Variants in CDH7 observed in about 807,000 individuals in gnomAD.
CDH7 encodes the protein cadherin 7, also known as cadherin-7.
A neutral mutation model predicts 71.8 loss-of-function variants in CDH7; 25 were observed. The ratio of observed to expected loss-of-function variants is 0.35; its 90% CI spans 0.25 to 0.49. The LOEUF (loss-of-function observed/expected upper bound fraction) is 0.49. CDH7 is among the 20% of genes least tolerant of loss of function. The pLI is 0.99. For missense variants in CDH7, 862 were observed against 974.6 expected, an observed-to-expected ratio of 0.88 and a Z score of 1.54; for synonymous variants, 381 against 363.8, an observed-to-expected ratio of 1.05 and a Z score of -0.54.
At position 65,862,211 on chromosome 18, in the gene CDH7, A is replaced by C. The variant is rs540798987; in HGVS notation, c.1613-455A>C. Among the ~76,000 whole-genome samples, 200 of 152,022 alleles carry C rather than the reference A, an allele frequency of 1.3e-3. 1 individual carries two copies. Among genetic ancestry groups the C allele is most frequent in the African/African-American group, 4.5e-3 (188 of 41,354 alleles). On this transcript the variant is annotated intron_variant, in intron 10 of 11. Coordinates refer to ENST00000397968, the MANE Select transcript of CDH7 (RefSeq NM_004361.5). ...AAATAAAGCTAAAGTAGCTGATTTT[A>C]CCCTTTTTAAATATTGGTCTTGCAA...
chr18:65,869,556 T>TTA (rs1342874755), intron 11 of CDH7, among the ~76,000 whole-genome samples: 2 of 141,212 alleles, frequency 1.4e-5, no homozygotes, highest in African/African-American at 5.2e-5. Context: ...TTTTTTTTTT[T>TTA]TTTTTTTTTT....
chr18:65,880,650 T>A lies in CDH7; in HGVS notation c.2114T>A (p.Val705Asp), dbSNP rs1352727363. The change falls in exon 12 of 12, where the codon GTC becomes GAC. Residue 705 changes from valine (V) to aspartate (D), a missense_variant. By Grantham distance (152) the Val-to-Asp change is radical (BLOSUM62 -3). Coordinates refer to ENST00000397968, the MANE Select transcript of CDH7 (RefSeq NM_004361.5). ...RPAFKSIPDN[V>D]IFREFIWERL... ...GCTTTTAAAAGCATCCCAGATAATG[T>A]CATCTTTAGGGAATTTATTTGGGAA... 1 of 1,614,008 alleles carries A rather than the reference T, an allele frequency of 6.2e-7. No homozygotes were observed. Among genetic ancestry groups the A allele is most frequent in the Admixed American group, 1.7e-5 (1 of 59,998 alleles).
rs1380228002 is a variant in CDH7 at position 65,890,252 on chromosome 18, CTA to C, written c.*9360_*9361del. ...AAGCTTCAATTCTAGCAAAAATAAA[CTA>C]TGTGCACTCATCAAAATGTGTGGCA... On this transcript the variant is annotated 3_prime_UTR_variant, in exon 12 of 12. Transcript: ENST00000397968. 1 of 152,158 alleles carries C rather than the reference CTA, an allele frequency of 6.6e-6. No individual in the cohort carries two copies. The highest frequency in any genetic ancestry group is 2.4e-5 in the African/African-American group (1 of 41,430). The allele number at this position is 152,158 out of a possible 1,614,324, so 9.4% of individuals were successfully genotyped here. A position where few individuals can be genotyped will look rare whatever the true frequency, so the allele number is the denominator to read the frequency against.
intron 7 of CDH7, among the ~76,000 whole-genome samples, chr18:65,853,019 G>T (rs1363079407): frequency 1.3e-5 from 2 of 152,106 alleles, no homozygotes; most frequent in Non-Finnish European, 2.9e-5. Flanking sequence ...CTAGTTTTAG[G>T]CTGGATATTG....
At chr18:65,797,187 G>A (rs1487201160) in intron 2 of CDH7, among the ~76,000 whole-genome samples, 3 of 152,064 alleles carry the variant, frequency 2.0e-5, no homozygotes, top group African/African-American at 7.2e-5. Context: ...TCTCTCCTAG[G>A]AAAACCAATA....
rs1359766616 is a variant in CDH7 at position 65,882,067 on chromosome 18, G to A, written c.*1173G>A. On this transcript the variant is annotated 3_prime_UTR_variant, in exon 12 of 12. Coordinates refer to ENST00000397968, the MANE Select transcript of CDH7 (RefSeq NM_004361.5). ...CGATTTCAAGAACACAACCTTTCTT[G>A]CTGCAAACCTATTGAGTAAAATATT... is the stretch of plus-strand genomic sequence containing the variant. 1 of 152,010 alleles carries A rather than the reference G, an allele frequency of 6.6e-6. No homozygotes were observed. The highest frequency in any genetic ancestry group is 6.6e-5 in the Admixed American group (1 of 15,240). 9.4% of individuals were successfully genotyped at this position (152,010 alleles called of 1,614,324 possible).
At chr18:65,800,122 C>T (rs945324599) in intron 2 of CDH7, among the ~76,000 whole-genome samples, 5 of 152,106 alleles carry the variant, frequency 3.3e-5, no homozygotes, top group African/African-American at 1.2e-4. Context: ...TTCTGTCGCC[C>T]AGGCTGGAGT....
chr18:65,786,034 A>G (rs1376908527), intron 2 of CDH7, among the ~76,000 whole-genome samples: 1 of 152,136 alleles, frequency 6.6e-6, no homozygotes, highest in Non-Finnish European at 1.5e-5. Flanking sequence ...GCCCCAAGAT[A>G]TTACCCGGAA....
intron 11 of CDH7, among the ~76,000 whole-genome samples, chr18:65,878,194 C>T (rs1914125160): frequency 6.6e-6 from 1 of 152,142 alleles, no homozygotes; most frequent in South Asian, 2.1e-4. Context: ...ATCTTTGGTA[C>T]ATATGCCTAG....
chr18:65,857,681 A>C lies in CDH7; in HGVS notation c.1236-135A>C, dbSNP rs1187585921. The stretch of plus-strand genomic sequence containing the variant: ...GGGGAGAGTTTTAAACCAGGCATGC[A>C]TTTATGTGATTAATATGACAGATCA... On this transcript the variant is annotated intron_variant, in intron 7 of 11. Coordinates refer to ENST00000397968, the MANE Select transcript of CDH7 (RefSeq NM_004361.5). 5 of 808,594 alleles carry C rather than the reference A, an allele frequency of 6.2e-6. No homozygotes were observed. The South Asian group carries it at 8.6e-5, about 14-fold the overall frequency. The allele number at this position is 808,594 out of a possible 1,614,324, so 50.1% of individuals were successfully genotyped here. A position where few individuals can be genotyped will look rare whatever the true frequency, so the allele number is the denominator to read the frequency against.
At chr18:65,813,156 A>AATAGAG (rs1162437396) in intron 3 of CDH7, among the ~76,000 whole-genome samples, 3 of 152,164 alleles carry the variant, frequency 2.0e-5, no homozygotes, top group Admixed American at 6.5e-5. Context: ...AACATGGAGA[A>AATAGAG]ACCCTGTCTC....
At chr18:65,778,309 C>T (rs534615324) in intron 2 of CDH7, among the ~76,000 whole-genome samples, 1 of 147,850 alleles carries the variant, frequency 6.8e-6, no homozygotes, top group South Asian at 2.1e-4. Flanking sequence ...AAACCTAGTG[C>T]CATGCTGACT....
chr18:65,793,996 A>G (rs1399592085), intron 2 of CDH7, among the ~76,000 whole-genome samples: 1 of 152,174 alleles, frequency 6.6e-6, no homozygotes, highest in Non-Finnish European at 1.5e-5. Flanking sequence ...AGCCTGGTGC[A>G]TTCCCAGGGC....
In CDH7 at chr18:65,857,926, A is replaced by G. The variant is rs1913423011; in HGVS notation, c.1346A>G (p.Asn449Ser). 6 of 1,613,702 alleles carry G rather than the reference A, an allele frequency of 3.7e-6. No individual in the cohort carries two copies. Among genetic ancestry groups the G allele is most frequent in the Middle Eastern group, 1.7e-4 (1 of 6,056 alleles). ...GATCGAGAGACAAATGCTATTCACA[A>G]TATCACAGTCCTTGCAATGGAGAGC... ...SLDRETNAIH[N>S]ITVLAMESQN... is the part of the protein sequence containing the mutation. The change falls in exon 8 of 12, where the codon AAT (asparagine) becomes AGT (serine). Residue 449 changes from asparagine (N) to serine (S), a missense_variant. Transcript: ENST00000397968.
At chr18:65,809,328 T>TCTTTG (rs1911439364) in intron 2 of CDH7, among the ~76,000 whole-genome samples, 1 of 152,246 alleles carries the variant, frequency 6.6e-6, no homozygotes, top group Non-Finnish European at 1.5e-5. Context: ...ATAGAAAGTT[T>TCTTTG]CTTTGCTTAG....
At chr18:65,862,286 T>C (rs1442090983) in intron 10 of CDH7, among the ~76,000 whole-genome samples, 2 of 152,170 alleles carry the variant, frequency 1.3e-5, no homozygotes, top group Admixed American at 1.3e-4. Flanking sequence ...TATATGATGA[T>C]ACTGCAAAAT....
intron 2 of CDH7, among the ~76,000 whole-genome samples, chr18:65,770,460 A>G (rs1279415625): frequency 6.6e-6 from 1 of 152,200 alleles, no homozygotes; most frequent in Non-Finnish European, 1.5e-5. Flanking sequence ...TTACAATCTG[A>G]TGTATTACAT....
chr18:65,845,251 A>T (rs572615570), intron 7 of CDH7, among the ~76,000 whole-genome samples: 1 of 151,924 alleles, frequency 6.6e-6, no homozygotes, highest in African/African-American at 2.4e-5. Context: ...CTAGTAAAGG[A>T]TTGGTATAGA....
intron 2 of CDH7, among the ~76,000 whole-genome samples, chr18:65,786,513 A>T (rs1910518263): frequency 6.6e-6 from 1 of 152,154 alleles, no homozygotes; most frequent in Admixed American, 6.5e-5. Flanking sequence ...ATAGCAAACC[A>T]TAAATCAGTA....
Sources: allele counts gnomAD v4.1 joint callset (sites outside exome capture counted in the v4.1 genomes callset), GRCh38; gene constraint gnomAD v4.1.1; transcripts MANE v1.5; gene names NCBI Gene and HGNC (gene_info 2026-07-23, HGNC 2026-07-21).